SYT14: variants seen among roughly 807,000 people sequenced by gnomAD.
SYT14 encodes synaptotagmin-14.
A neutral mutation model predicts 74.2 loss-of-function variants in SYT14; 32 were observed. That is an observed-to-expected ratio of 0.43 (90% CI 0.33 to 0.58). The LOEUF is 0.58. Among genes scored for constraint, SYT14 ranks in the 20% least tolerant of loss-of-function variants. SYT14 has a pLI of 0.05. For synonymous variants in SYT14, 298 were observed against 337.7 expected (o/e 0.88, Z 1.29); for missense variants, 791 against 981.8 (o/e 0.81, Z 2.60).
At chr1:210,066,764 T>A (rs770809265) in intron 5 of SYT14, among the ~76,000 whole-genome samples, 1 of 151,756 alleles carries the variant, frequency 6.6e-6, no homozygotes, top group Non-Finnish European at 1.5e-5. Context: ...CTTTTGTAGG[T>A]ATGTCTTTAT....
exon 10 of SYT14, chr1:210,168,928 G>A (rs1260182232): frequency 4.6e-5 from 7 of 152,084 alleles, no homozygotes; most frequent in African/African-American, 2.4e-5. Context: ...GAAATAGGAC[G>A]GCCGCTTCAG....
intron 5 of SYT14, among the ~76,000 whole-genome samples, chr1:210,035,570 C>A (rs2080641776): frequency 6.6e-6 from 1 of 151,984 alleles, no homozygotes; most frequent in Admixed American, 6.6e-5. Flanking sequence ...AGTATTTAAT[C>A]CATCTTGAGA....
intron 7 of SYT14, among the ~76,000 whole-genome samples, chr1:210,118,173 CAT>C (rs2082394540): frequency 6.6e-6 from 1 of 152,112 alleles, no homozygotes; most frequent in Admixed American, 6.6e-5. Flanking sequence ...GATTATAACA[CAT>C]AAATGGGTCC....
chr1:210,146,607 G>C (rs2083040040), intron 7 of SYT14, among the ~76,000 whole-genome samples: 1 of 151,846 alleles, frequency 6.6e-6, no homozygotes, highest in South Asian at 2.1e-4. Context: ...CTCAGAGAAA[G>C]AAGGTTTTTG....
exon 10 of SYT14, chr1:210,162,039 A>G (rs561910827): frequency 1.3e-4 from 57 of 448,390 alleles, no homozygotes; most frequent in African/African-American, 1.1e-3. Context: ...AGCATTCAAA[A>G]TAAGAAACTG....
chr1:210,089,051 C>T (rs1403087418), intron 5 of SYT14, among the ~76,000 whole-genome samples: 1 of 152,020 alleles, frequency 6.6e-6, no homozygotes, highest in East Asian at 1.9e-4. Flanking sequence ...CCTGACATGC[C>T]CCAGCATGTG....
At chr1:209,986,706 C>T (rs1463424746) in intron 2 of SYT14, among the ~76,000 whole-genome samples, 1 of 152,088 alleles carries the variant, frequency 6.6e-6, no homozygotes, top group Non-Finnish European at 1.5e-5. Flanking sequence ...CCAGTGCAAC[C>T]TCTGCCTCCC....
At chr1:209,964,003 T>TACATA (rs1344755520) in intron 2 of SYT14, among the ~76,000 whole-genome samples, 2 of 152,314 alleles carry the variant, frequency 1.3e-5, no homozygotes, top group African/African-American at 4.8e-5. Context: ...ATATGCTAAG[T>TACATA]TGTTATACAC....
intron 5 of SYT14, among the ~76,000 whole-genome samples, chr1:210,058,804 G>A (rs185063667): frequency 2.0e-5 from 3 of 152,268 alleles, no homozygotes; most frequent in East Asian, 3.9e-4. Flanking sequence ...GTAATTAGAG[G>A]TGGAAGAGAG....
chr1:210,034,447 A>G (rs1056375878), intron 5 of SYT14, among the ~76,000 whole-genome samples: 1 of 151,634 alleles, frequency 6.6e-6, no homozygotes, highest in African/African-American at 2.4e-5. Context: ...ATATACATAT[A>G]TTTTTAAATA....
At chr1:210,134,620 T>G (rs1204293413) in intron 7 of SYT14, among the ~76,000 whole-genome samples, 4 of 152,126 alleles carry the variant, frequency 2.6e-5, no homozygotes, top group Non-Finnish European at 5.9e-5. Flanking sequence ...GCTTCATACT[T>G]TTGTCCTTAA....
intron 5 of SYT14, among the ~76,000 whole-genome samples, chr1:210,092,737 G>A (rs575740361): frequency 2.0e-5 from 3 of 151,994 alleles, no homozygotes; most frequent in South Asian, 2.1e-4. Flanking sequence ...TAGTACAGCC[G>A]GCCCTCCATG....
chr1:210,052,665 CAAAAAAAA>C (rs561069342), intron 5 of SYT14, among the ~76,000 whole-genome samples: 1 of 42,252 alleles, frequency 2.4e-5, no homozygotes, highest in Non-Finnish European at 4.2e-5. Context: ...TACATCTCAC[CAAAAAAAA>C]AAAAAAAAAA....
exon 3 of SYT14, chr1:210,013,768 G>C (rs781040685): frequency 1.9e-6 from 3 of 1,611,592 alleles, no homozygotes; most frequent in Non-Finnish European, 2.5e-6. Context: ...TCAGAATACA[G>C]TACAAGGAAG....
Position 210,059,451 on chromosome 1 carries a change from T to TAGAGAGAG in SYT14, c.1313-34841_1313-34834dup, listed in dbSNP as rs1553272603. Among the ~76,000 whole-genome samples, 378 of 69,860 alleles carry TAGAGAGAG rather than the reference T, an allele frequency of 5.4e-3. 5 individuals are homozygous for TAGAGAGAG. Among genetic ancestry groups the TAGAGAGAG allele is most frequent in the Middle Eastern group, 0.012 (1 of 86 alleles). 45.8% of individuals were successfully genotyped at this position (69,860 alleles called of 152,430 possible). On this transcript the variant is annotated intron_variant, in intron 5 of 9. Transcript: ENST00000637265. The stretch of plus-strand genomic sequence containing the variant: ...GAATATATATATATATATATATATA[T>TAGAGAGAG]AGAGAGAGAGAGAGAGAGAGAGAGA...
rs372569724 is a variant in SYT14, at chr1:210,149,381, C to T, written c.2035-6340C>T. ...TGTATTTTTAGTAGAGGCAGTGTTT[C>T]ACCATGTTGGCCAGGCTGGTCTCAA... On this transcript the variant is annotated intron_variant, in intron 7 of 9. Transcript: ENST00000637265. 4.0e-4 allele frequency among the ~76,000 whole-genome samples: 60 copies of T among 151,884 alleles called. No homozygotes were observed. In the East Asian group the frequency reaches 9.1e-3, roughly 23 times the overall value.
At chr1:210,132,950 C>T (rs1416489319) in intron 7 of SYT14, among the ~76,000 whole-genome samples, 1 of 152,144 alleles carries the variant, frequency 6.6e-6, no homozygotes, top group African/African-American at 2.4e-5. Context: ...TTCATTTCCA[C>T]ACTTTGACTG....
rs116064551 is a variant in SYT14, at chr1:210,097,409, A to G, written c.1585-2603A>G. ...AAAACTGGTCCCATACCTTGAAAGGAAGGATTGTTTGCTTATTGCCTGTTT... is the reference window on the plus strand; with the variant it reads ...AAAACTGGTCCCATACCTTGAAAGGGAGGATTGTTTGCTTATTGCCTGTTT... On this transcript the variant is annotated intron_variant, in intron 6 of 9. Transcript: ENST00000637265. Among the ~76,000 whole-genome samples the G allele has an allele frequency of 4.2e-3, 643 of 152,264 alleles. 11 individuals carry two copies. Among genetic ancestry groups the G allele is most frequent in the African/African-American group, 0.014 (598 of 41,550 alleles).
intron 2 of SYT14, among the ~76,000 whole-genome samples, chr1:209,978,749 T>C (rs1265885157): frequency 1.3e-5 from 2 of 152,218 alleles, no homozygotes; most frequent in Non-Finnish European, 2.9e-5. Context: ...CAGTGACATT[T>C]AAGTCTGCAG....
Sources: gnomAD v4.1 joint callset for allele counts (sites outside exome capture counted in the v4.1 genomes callset) on GRCh38, gnomAD v4.1.1 for gene constraint, MANE v1.5 for transcripts, NCBI Gene and HGNC (gene_info 2026-07-23, HGNC 2026-07-21) for gene names.